Variants in GUCY1A2 observed in about 807,000 individuals in gnomAD.
GUCY1A2 encodes guanylate cyclase soluble subunit alpha-2.
Under a neutral mutation model 63.5 loss-of-function variants are expected in GUCY1A2, and 27 were observed. The ratio of observed to expected loss-of-function variants is 0.43; its 90% CI spans 0.31 to 0.59. The LOEUF (loss-of-function observed/expected upper bound fraction) is 0.59, where lower values mean the gene tolerates loss of function less well. Among genes scored for constraint, GUCY1A2 ranks in the 20% least tolerant of loss-of-function variants. GUCY1A2 has a pLI of 0.11. For missense variants in GUCY1A2, 768 were observed against 913.3 expected, an observed-to-expected ratio of 0.84 and a Z score of 2.05; for synonymous variants, 364 against 343.5, an observed-to-expected ratio of 1.06 and a Z score of -0.66.
chr11:106,966,373 G>C (rs1861126801), intron 3 of GUCY1A2, among the ~76,000 whole-genome samples: 3 of 152,256 alleles, frequency 2.0e-5, no homozygotes, highest in African/African-American at 7.2e-5. Flanking sequence ...CTCCCAAAGT[G>C]CTGGGATTAC....
At chr11:106,924,354 C>T (rs188634411) in intron 4 of GUCY1A2, among the ~76,000 whole-genome samples, 25 of 152,224 alleles carry the variant, frequency 1.6e-4, no homozygotes, top group Non-Finnish European at 1.5e-5. Flanking sequence ...TATCTCATTC[C>T]CAAAATTGAT....
rs78148291 is a variant in GUCY1A2 at position 106,880,439 on chromosome 11, G to C, written c.1206+59021C>G. 9.7e-3 allele frequency among the ~76,000 whole-genome samples: 1,468 copies of C among 152,040 alleles called. 19 individuals carry two copies. Among genetic ancestry groups the C allele is most frequent in the African/African-American group, 0.034 (1,423 of 41,506 alleles). On this transcript the variant is annotated intron_variant, in intron 4 of 7. Coordinates refer to ENST00000526355, the MANE Select transcript of GUCY1A2 (RefSeq NM_000855.3). ...CAGCCCACTGCCGCTGGACCACACT[G>C]TATGTAAGTCCCCTGAATAAACCCC...
intron 4 of GUCY1A2, chr11:106,827,654 G>A (rs1385270581): frequency 6.5e-7 from 1 of 1,537,898 alleles, no homozygotes; most frequent in African/African-American, 1.4e-5. Flanking sequence ...TAACCTTGAT[G>A]TTGGGAAAGC....
chr11:106,727,618 G>A (rs1035673840), intron 6 of GUCY1A2, among the ~76,000 whole-genome samples: 2 of 151,966 alleles, frequency 1.3e-5, no homozygotes, highest in Admixed American at 6.6e-5. Context: ...AAAGAATTCA[G>A]TGAAAAAAGA....
In GUCY1A2 at chr11:106,675,794, G is replaced by A. The variant is rs1862335986; in HGVS notation, c.*11755C>T. The A allele has an allele frequency of 5.3e-6, 1 of 189,742 alleles. No homozygotes were observed. The highest frequency in any genetic ancestry group is 2.3e-5 in the African/African-American group (1 of 42,886). The allele number at this position is 189,742 out of a possible 1,614,324, so 11.8% of individuals were successfully genotyped here. A position where few individuals can be genotyped will look rare whatever the true frequency, so the allele number is the denominator to read the frequency against. On this transcript the variant is annotated 3_prime_UTR_variant, in exon 8 of 8. Coordinates refer to ENST00000526355, the MANE Select transcript of GUCY1A2 (RefSeq NM_000855.3). ...ATTTTCATAGATACCAATTTATATG[G>A]TAGCTGCCTGTTTTTTCACAATTTC...
At chr11:107,012,743 A>G (rs546648101) in intron 1 of GUCY1A2, among the ~76,000 whole-genome samples, 1 of 152,330 alleles carries the variant, frequency 6.6e-6, no homozygotes, top group East Asian at 1.9e-4. Context: ...AAATGTGAAA[A>G]CATTAAACAA....
intron 6 of GUCY1A2, among the ~76,000 whole-genome samples, chr11:106,714,695 C>G (rs1863184973): frequency 6.6e-6 from 1 of 152,150 alleles, no homozygotes; most frequent in Non-Finnish European, 1.5e-5. Context: ...GTCATCTGAG[C>G]CCCTCAGTGG....
chr11:106,875,804 G>C (rs1335148691), intron 4 of GUCY1A2, among the ~76,000 whole-genome samples: 1 of 152,000 alleles, frequency 6.6e-6, no homozygotes, highest in East Asian at 1.9e-4. Context: ...CAGAAAAATA[G>C]TATATTTTAT....
At chr11:106,993,796 G>A (rs1861501860) in intron 1 of GUCY1A2, among the ~76,000 whole-genome samples, 1 of 152,042 alleles carries the variant, frequency 6.6e-6, no homozygotes, top group African/African-American at 2.4e-5. Flanking sequence ...ACATACTGGC[G>A]GTTAAACAAC....
intron 4 of GUCY1A2, among the ~76,000 whole-genome samples, chr11:106,934,944 G>C (rs1273535590): frequency 2.0e-5 from 3 of 152,182 alleles, no homozygotes; most frequent in African/African-American, 7.2e-5. Flanking sequence ...GGAAGTTACT[G>C]CACAATGCTC....
At chr11:106,905,688 G>A (rs549609881) in intron 4 of GUCY1A2, among the ~76,000 whole-genome samples, 1 of 152,170 alleles carries the variant, frequency 6.6e-6, no homozygotes, top group South Asian at 2.1e-4. Context: ...ACAAATTAGA[G>A]CCAGGAAAGC....
chr11:106,725,869 T>A (rs1863398646), intron 6 of GUCY1A2, among the ~76,000 whole-genome samples: 1 of 150,078 alleles, frequency 6.7e-6, no homozygotes, highest in South Asian at 2.1e-4. Flanking sequence ...CTCCAGATCT[T>A]TTTTTTTTTC....
At chr11:107,001,757 G>T (rs989007464) in intron 1 of GUCY1A2, among the ~76,000 whole-genome samples, 3 of 151,826 alleles carry the variant, frequency 2.0e-5, no homozygotes, top group Admixed American at 2.0e-4. Flanking sequence ...AGTGACTCTC[G>T]CCTGTAATCC....
chr11:106,924,032 T>C (rs1860485826), intron 4 of GUCY1A2, among the ~76,000 whole-genome samples: 1 of 152,174 alleles, frequency 6.6e-6, no homozygotes, highest in Non-Finnish European at 1.5e-5. Context: ...GCAATCAAGA[T>C]GATATTAGGA....
chr11:106,975,919 A>G lies in GUCY1A2; in HGVS notation c.487+2700T>C, dbSNP rs553729086. On this transcript the variant is annotated intron_variant, in intron 3 of 7. Coordinates refer to ENST00000526355, the MANE Select transcript of GUCY1A2 (RefSeq NM_000855.3). ...TATTCCATGCCACCCTCTAAATGCA[A>G]ACTTCAACCTGAAGAGCCAGTAAAT... 2.6e-5 allele frequency among the ~76,000 whole-genome samples: 4 copies of G among 152,250 alleles called. No homozygotes were observed. In the East Asian group the frequency reaches 7.7e-4, roughly 29 times the overall value.
intron 5 of GUCY1A2, among the ~76,000 whole-genome samples, chr11:106,792,732 T>C (rs933691121): frequency 6.6e-6 from 1 of 152,150 alleles, no homozygotes; most frequent in African/African-American, 2.4e-5. Flanking sequence ...CTCTTGCCTA[T>C]CCTATTCAAC....
intron 3 of GUCY1A2, among the ~76,000 whole-genome samples, chr11:106,974,198 G>A (rs1253768296): frequency 6.6e-6 from 1 of 151,976 alleles, no homozygotes; most frequent in Non-Finnish European, 1.5e-5. Context: ...AAATTGATCA[G>A]TTACCAAGTT....
chr11:106,964,430 A>G (rs1305870585), intron 3 of GUCY1A2, among the ~76,000 whole-genome samples: 1 of 152,206 alleles, frequency 6.6e-6, no homozygotes, highest in East Asian at 1.9e-4. Flanking sequence ...AAATGTAGGT[A>G]CCTGACCACT....
At chr11:106,709,289 A>G (rs1236170439) in intron 6 of GUCY1A2, among the ~76,000 whole-genome samples, 3 of 54,900 alleles carry the variant, frequency 5.5e-5, no homozygotes, top group African/African-American at 2.7e-4. Context: ...AAATTTATAT[A>G]TATTTATATT....
Sources: allele counts gnomAD v4.1 joint callset (sites outside exome capture counted in the v4.1 genomes callset), GRCh38; gene constraint gnomAD v4.1.1; transcripts MANE v1.5; gene names NCBI Gene and HGNC (gene_info 2026-07-23, HGNC 2026-07-21).